The following SYNE1 variants were observed in gnomAD, a reference collection of about 807,000 sequenced individuals.
SYNE1 encodes nesprin-1.
A neutral mutation model predicts 1,111.0 loss-of-function variants in SYNE1; 616 were observed. The ratio of observed to expected loss-of-function variants is 0.55; its 90% CI spans 0.52 to 0.59. SYNE1 has a LOEUF of 0.59. SYNE1 is among the 20% of genes least tolerant of loss of function. SYNE1 has a pLI of 0.00. For synonymous variants in SYNE1, 3,855 were observed against 3,825.8 expected, an observed-to-expected ratio of 1.01 and a Z score of -0.28; for missense variants, 10,006 against 10,417.0, an observed-to-expected ratio of 0.96 and a Z score of 1.72.
In SYNE1 at chr6:152,318,897, G is replaced by T; in HGVS notation, c.16355C>A (p.Thr5452Lys). ...TTILTKLKAKTDNVVQAKTDQ... is the reference protein window; with the variant it reads ...TTILTKLKAKKDNVVQAKTDQ... The stretch of plus-strand genomic sequence containing the variant: ...AGTTTTAGCTTGAACTACATTATCT[G>T]TCTTCGCTTTCAGCTTAGTTAGAAT... Residue 5452 changes from threonine to lysine, a missense_variant, in exon 85 of 146, where the codon ACA becomes AAA. Thr to Lys is a moderately conservative substitution (Grantham distance 78, BLOSUM62 -1). This residue lies in a region of SYNE1 where 4,955 missense variants were observed against 5,017.2 expected (regional missense o/e 0.99). Coordinates refer to ENST00000367255, the MANE Select transcript of SYNE1 (RefSeq NM_182961.4). The T allele has an allele frequency of 1.2e-6, 2 of 1,614,142 alleles. No homozygotes were observed. The highest frequency in any genetic ancestry group is 2.2e-5 in the South Asian group (2 of 91,076).
At chr6:152,220,394 A>G (rs895655947) in intron 119 of SYNE1, among the ~76,000 whole-genome samples, 1 of 152,240 alleles carries the variant, frequency 6.6e-6, no homozygotes, top group African/African-American at 2.4e-5. Flanking sequence ...GTATACCAGT[A>G]AATTAGGAGA....
chr6:152,397,368 C>T (rs1448897936), intron 49 of SYNE1, among the ~76,000 whole-genome samples: 1 of 152,138 alleles, frequency 6.6e-6, no homozygotes, highest in Non-Finnish European at 1.5e-5. Flanking sequence ...AATCCTCAGG[C>T]CCTTTCTTTT....
At chr6:152,164,549 A>G (rs984669769) in intron 130 of SYNE1, among the ~76,000 whole-genome samples, 2 of 152,204 alleles carry the variant, frequency 1.3e-5, no homozygotes, top group Non-Finnish European at 2.9e-5. Flanking sequence ...ACAGGAGCAG[A>G]GATAGATAAA....
chr6:152,411,723 A>AC (rs1294955154), intron 42 of SYNE1, among the ~76,000 whole-genome samples: 9 of 97,186 alleles, frequency 9.3e-5, no homozygotes, highest in African/African-American at 2.1e-4. Flanking sequence ...ACACACACAC[A>AC]CACACCCCCA....
At chr6:152,417,349 T>G (rs2098173253) in intron 40 of SYNE1, among the ~76,000 whole-genome samples, 1 of 152,024 alleles carries the variant, frequency 6.6e-6, no homozygotes, top group Non-Finnish European at 1.5e-5. Flanking sequence ...GTACAAAAAA[T>G]TATCCAGGCG....
In SYNE1 at chr6:152,236,232, C is replaced by G. The variant is rs1009966004; in HGVS notation, c.20271G>C (p.Leu6757=). ...CTAGATCTGAGCAGCTGATGGATAT[C>G]AGAAGTCGTTTCCCATCATCTAATA... is the stretch of plus-strand genomic sequence containing the variant. The part of the protein sequence containing the change: ...YQVLDDGKRL[L]ISISCSDLES... Residue 6757 remains leucine (L), a synonymous_variant, in exon 110 of 146, where the codon CTG becomes CTC. Transcript: ENST00000367255. 1.2e-6 allele frequency: 2 copies of G among 1,613,976 alleles called. No individual in the cohort carries two copies. Among genetic ancestry groups the G allele is most frequent in the African/African-American group, 1.3e-5 (1 of 74,910 alleles).
Position 152,151,464 on chromosome 6 carries a change from G to C in SYNE1, c.24450+89C>G, listed in dbSNP as rs776797404. On this transcript the variant is annotated intron_variant, in intron 135 of 145. Coordinates refer to ENST00000367255, the MANE Select transcript of SYNE1 (RefSeq NM_182961.4). ...CCAGAACTAATTTTTCAAAAGAAAA[G>C]TTATTTGCTATGTTCTTCACAAAAG... 1.4e-4 allele frequency: 211 copies of C among 1,531,480 alleles called. 1 individual carries two copies. The highest frequency in any genetic ancestry group is 3.3e-4 in the South Asian group (27 of 82,476). The allele number at this position is 1,531,480 out of a possible 1,614,324, so 94.9% of individuals were successfully genotyped here.
rs568346379 is a variant in SYNE1 at position 152,401,803 on chromosome 6, G to C, written c.6826-462C>G. Among the ~76,000 whole-genome samples, 3 of 152,216 alleles carry C rather than the reference G, an allele frequency of 2.0e-5. No homozygotes were observed. The South Asian group carries it at 6.2e-4, about 32-fold the overall frequency. On this transcript the variant is annotated intron_variant, in intron 46 of 145. Transcript: ENST00000367255. ...CACTGTTGCTTTAAAATATTGAGTG[G>C]GGCTAGTTATTCTCTTTTCCCTGGA...
intron 133 of SYNE1, 85 bp downstream of exon 133, chr6:152,154,806 CA>C (rs1349455663): frequency 1.2e-5 from 18 of 1,471,422 alleles, no homozygotes; most frequent in Non-Finnish European, 1.6e-5. Flanking sequence ...ATGTGGTGAA[CA>C]GCTAGTTTAG....
chr6:152,125,492 T>G (rs904994890), intron 145 of SYNE1: 5 of 1,182,304 alleles, frequency 4.2e-6, no homozygotes, highest in Non-Finnish European at 5.7e-6. Flanking sequence ...TTTGCAATGA[T>G]TCAATGGTTT....
At chr6:152,539,834 A>G (rs548722023) in intron 4 of SYNE1, 126 bp downstream of exon 4, 2 of 1,086,406 alleles carry the variant, frequency 1.8e-6, no homozygotes, top group Non-Finnish European at 1.4e-6. Flanking sequence ...AGACCAACCA[A>G]TAAGATTACA....
At chr6:152,328,475 G>A (rs1204781770) in intron 78 of SYNE1, among the ~76,000 whole-genome samples, 4 of 150,712 alleles carry the variant, frequency 2.7e-5, no homozygotes, top group African/African-American at 4.9e-5. Flanking sequence ...TCATGATCTC[G>A]GCTCACTGCA....
At chr6:152,441,401 A>C (rs2098528954) in intron 31 of SYNE1, 131 bp from the exon 32 acceptor site, 3 of 932,314 alleles carry the variant, frequency 3.2e-6, no homozygotes, top group Non-Finnish European at 4.9e-6. Flanking sequence ...CAATGAATAG[A>C]GATGATTCTA....
chr6:152,206,108 G>C (rs2076455517), intron 126 of SYNE1, 60 bp downstream of exon 126: 24 of 1,467,296 alleles, frequency 1.6e-5, no homozygotes, highest in Non-Finnish European at 2.2e-5. Context: ...ATAACAATGG[G>C]AGGAAGTAGT....
intron 74 of SYNE1, among the ~76,000 whole-genome samples, chr6:152,341,590 T>TTATTG (rs2096534938): frequency 6.6e-6 from 1 of 152,146 alleles, no homozygotes; most frequent in East Asian, 1.9e-4. Flanking sequence ...TATTGAGGGT[T>TTATTG]TATTGGGTTT....
intron 20 of SYNE1, 84 bp from the exon 21 acceptor site, chr6:152,461,824 T>C: frequency 1.9e-6 from 3 of 1,569,004 alleles, no homozygotes; most frequent in Non-Finnish European, 1.7e-6. Context: ...AGAACAAAAA[T>C]CAATATGCAC....
At chr6:152,171,033 G>A (rs532939315) in intron 130 of SYNE1, among the ~76,000 whole-genome samples, 36 of 152,108 alleles carry the variant, frequency 2.4e-4, no homozygotes, top group Non-Finnish European at 3.8e-4. Context: ...TGTGCCTTTC[G>A]CCTTCCACCA....
intron 6 of SYNE1, among the ~76,000 whole-genome samples, chr6:152,513,986 T>C (rs968397612): frequency 1.3e-5 from 2 of 152,166 alleles, no homozygotes; most frequent in Admixed American, 1.3e-4. Context: ...CAACTGATGC[T>C]GGAGAGGATG....
chr6:152,417,098 G>A lies in SYNE1; in HGVS notation c.5422-83C>T, dbSNP rs1209006953. ...TATTTTACAGGATTTGTGATGTGAA[G>A]ATCTATTTTAGGTGCCATGGATAGT... On this transcript the variant is annotated intron_variant, in intron 40 of 145. Transcript: ENST00000367255. The A allele has an allele frequency of 2.5e-6, 4 of 1,587,044 alleles. No individual in the cohort carries two copies. The East Asian group carries it at 8.9e-5, about 35-fold the overall frequency.
Sources: allele counts gnomAD v4.1 joint callset (sites outside exome capture counted in the v4.1 genomes callset), GRCh38; gene constraint gnomAD v4.1.1; regional missense constraint gnomAD v4.1.1; transcripts MANE v1.5; gene names NCBI Gene and HGNC (gene_info 2026-07-23, HGNC 2026-07-21).